CAMTA1: variants seen among roughly 807,000 people sequenced by gnomAD.
CAMTA1 encodes calmodulin-binding transcription activator 1.
A neutral mutation model predicts 170.9 loss-of-function variants in CAMTA1; 27 were observed. The observed-to-expected ratio is 0.16, with a 90% CI of 0.12 to 0.22. The LOEUF is 0.22. Ranked by LOEUF, CAMTA1 falls within the 10% of genes least tolerant of loss-of-function variation. CAMTA1 has a pLI of 1.00. For synonymous variants in CAMTA1, 833 were observed against 891.5 expected (o/e 0.93, Z 1.17); for missense variants, 1,619 against 2,217.2 (o/e 0.73, Z 5.42).
rs916113308 is a variant in CAMTA1 at position 6,887,246 on chromosome 1, C to T, written c.234+62036C>T. Among the ~76,000 whole-genome samples, 5 of 152,122 alleles carry T rather than the reference C, an allele frequency of 3.3e-5. No individual in the cohort carries two copies. Among genetic ancestry groups the T allele is most frequent in the Admixed American group, 3.3e-4 (5 of 15,280 alleles). ...TGCATAGTAAGTAAAAAAATTCTTC[C>T]AAAATTAGTGTTAATTGAATCTGAG... On this transcript the variant is annotated intron_variant, in intron 3 of 22. Transcript: ENST00000303635. This position sits in a 1 kb window ranked among gnomAD's most constrained non-coding sequence, Gnocchi z 4.1.
intron 5 of CAMTA1, among the ~76,000 whole-genome samples, chr1:7,261,086 C>T (rs1323636082): frequency 6.6e-6 from 1 of 152,132 alleles, no homozygotes; most frequent in Non-Finnish European, 1.5e-5. Context: ...TGGAATGGGC[C>T]TCTTGAGAAT....
At chr1:6,932,308 C>G (rs1294320116) in intron 3 of CAMTA1, among the ~76,000 whole-genome samples, 1 of 152,194 alleles carries the variant, frequency 6.6e-6, no homozygotes, top group Non-Finnish European at 1.5e-5. Flanking sequence ...TGGCTCCTTT[C>G]AGCATAATTA....
rs201097253 is a variant in CAMTA1, at chr1:7,736,347, G to A, written c.3070G>A (p.Ala1024Thr). The stretch of plus-strand genomic sequence containing the variant: ...AACGTGCGCTTTTTTGTGACAGTGT[G>A]CTTCTGGGACTGGGGCCTTGGGGAG... ...SGNGGSQAQC[A>T]SGTGALGSCF... Residue 1024 changes from alanine (A) to threonine (T), a missense_variant, in exon 13 of 23, where the codon GCT becomes ACT. Physicochemically the swap from Ala to Thr is moderately conservative, Grantham distance 58 (BLOSUM62 0). Transcript: ENST00000303635. This position sits in a 1 kb window ranked among gnomAD's most constrained non-coding sequence, Gnocchi z 4.5. 1 of 1,613,842 alleles carries A rather than the reference G, an allele frequency of 6.2e-7. No homozygotes were observed. The highest frequency in any genetic ancestry group is 2.2e-5 in the East Asian group (1 of 44,866).
rs1661352348 is a variant in CAMTA1, at chr1:7,224,510, A to ATT, written c.303-24981_303-24980insTT. 6.6e-6 allele frequency among the ~76,000 whole-genome samples: 1 copy of ATT among 152,152 alleles called. No individual in the cohort carries two copies. The highest frequency in any genetic ancestry group is 1.5e-5 in the Non-Finnish European group (1 of 68,018). ...TCTGAAACTATTTTCCACTTGCTAA[A>ATT]ATTAAGGTTATTATTATTATTTTTC... On this transcript the variant is annotated intron_variant, in intron 4 of 22. Coordinates refer to ENST00000303635, the MANE Select transcript of CAMTA1 (RefSeq NM_015215.4). The surrounding 1 kb of genome is among the most constrained non-coding windows in gnomAD (Gnocchi z 5.2).
Position 7,041,238 on chromosome 1 carries a change from G to C in CAMTA1, c.235-50066G>C, listed in dbSNP as rs1704411300. On this transcript the variant is annotated intron_variant, in intron 3 of 22. Transcript: ENST00000303635. The surrounding 1 kb of genome is among the most constrained non-coding windows in gnomAD (Gnocchi z 5.1). ...CCCGGAGCTGGAGCTTCTACCGAAG[G>C]GTTGCCCTCTGTCCCCTTCTCGGCT... Among the ~76,000 whole-genome samples, 1 of 152,244 alleles carries C rather than the reference G, an allele frequency of 6.6e-6. No individual in the cohort carries two copies. Among genetic ancestry groups the C allele is most frequent in the Non-Finnish European group, 1.5e-5 (1 of 68,046 alleles).
intron 3 of CAMTA1, chr1:6,886,133 A>G (rs1207017523): frequency 6.8e-6 from 3 of 443,534 alleles, no homozygotes; most frequent in Admixed American, 4.8e-5. Flanking sequence ...TTATGGGTGG[A>G]TGGATGGGGG....
At chr1:7,151,326 T>C (rs1203735380) in intron 4 of CAMTA1, among the ~76,000 whole-genome samples, 2 of 152,234 alleles carry the variant, frequency 1.3e-5, no homozygotes, top group African/African-American at 2.4e-5. Flanking sequence ...TTCATTAGCA[T>C]CTGGGCAGGC....
intron 6 of CAMTA1, among the ~76,000 whole-genome samples, chr1:7,512,919 T>C (rs2094221986): frequency 6.6e-6 from 1 of 152,076 alleles, no homozygotes; most frequent in Non-Finnish European, 1.5e-5. Context: ...GAGCAGAGGC[T>C]GCAAAATGGC....
chr1:7,343,980 G>C (rs932705679), intron 5 of CAMTA1, among the ~76,000 whole-genome samples: 1 of 152,198 alleles, frequency 6.6e-6, no homozygotes, highest in Non-Finnish European at 1.5e-5. Flanking sequence ...TTTTGTGTTA[G>C]AAACAGCATT....
In CAMTA1 at chr1:7,478,247, T is replaced by C. The variant is rs576688841; in HGVS notation, c.510+10346T>C. ...GGTCCTATCCAACCCAGTTTGCAAATGGCAAAATGCTAGGCTTGTGAGATG... is the reference window on the plus strand; with the variant it reads ...GGTCCTATCCAACCCAGTTTGCAAACGGCAAAATGCTAGGCTTGTGAGATG... On this transcript the variant is annotated intron_variant, in intron 6 of 22. Transcript: ENST00000303635. Among the ~76,000 whole-genome samples, 4 of 146,996 alleles carry C rather than the reference T, an allele frequency of 2.7e-5. No individual in the cohort carries two copies. The East Asian group carries it at 8.1e-4, about 30-fold the overall frequency.
chr1:6,992,405 T>G (rs1696531281), intron 3 of CAMTA1, among the ~76,000 whole-genome samples: 3 of 152,224 alleles, frequency 2.0e-5, no homozygotes, highest in Admixed American at 6.5e-5. Context: ...TTCTGATTAT[T>G]TCTTTCCATG....
At chr1:7,118,329 G>A (rs1324692407) in intron 4 of CAMTA1, among the ~76,000 whole-genome samples, 5 of 126,402 alleles carry the variant, frequency 4.0e-5, no homozygotes, top group African/African-American at 1.6e-4. Context: ...GTCTTGCTCT[G>A]CCACCCAGGC....
chr1:7,132,048 TACACACACACAC>T (rs70984054), intron 4 of CAMTA1, among the ~76,000 whole-genome samples: 1 of 149,730 alleles, frequency 6.7e-6, no homozygotes, highest in Non-Finnish European at 1.5e-5. Context: ...GTGACTCTGT[TACACACACACAC>T]ACACACACAC....
At chr1:6,976,630 C>T (rs960247275) in intron 3 of CAMTA1, among the ~76,000 whole-genome samples, 2 of 152,068 alleles carry the variant, frequency 1.3e-5, no homozygotes. Flanking sequence ...AGGACATGGG[C>T]CAGGATGATC....
chr1:7,597,065 C>G (rs1283578512), intron 6 of CAMTA1, among the ~76,000 whole-genome samples: 1 of 152,154 alleles, frequency 6.6e-6, no homozygotes, highest in East Asian at 1.9e-4. Context: ...TCTATTGCCC[C>G]TTGCTGACGT....
chr1:7,705,501 G>T (rs1244611343), intron 11 of CAMTA1, among the ~76,000 whole-genome samples: 2 of 150,136 alleles, frequency 1.3e-5, no homozygotes, highest in Non-Finnish European at 3.0e-5. Flanking sequence ...GGGCGGGGAC[G>T]AGCGTGTCGG....
In CAMTA1 at chr1:7,570,077, C is replaced by A. The variant is rs1406003014; in HGVS notation, c.511-70323C>A. ...GGCTTTTGCTTTGATCATTAGGGGT[C>A]CTGGGAGGCCTTGGGGCCGTCTTGC... On this transcript the variant is annotated intron_variant, in intron 6 of 22. Transcript: ENST00000303635. This position sits in a 1 kb window ranked among gnomAD's most constrained non-coding sequence, Gnocchi z 4.3. 1.3e-5 allele frequency among the ~76,000 whole-genome samples: 2 copies of A among 152,152 alleles called. No individual in the cohort carries two copies. The highest frequency in any genetic ancestry group is 4.8e-5 in the African/African-American group (2 of 41,412).
chr1:7,301,337 G>T (rs980139021), intron 5 of CAMTA1, among the ~76,000 whole-genome samples: 20 of 152,216 alleles, frequency 1.3e-4, no homozygotes, highest in African/African-American at 3.4e-4. Flanking sequence ...CTTTTTCAGG[G>T]TGATAGTTTG....
At chr1:7,543,541 C>T (rs528925444) in intron 6 of CAMTA1, among the ~76,000 whole-genome samples, 3 of 152,314 alleles carry the variant, frequency 2.0e-5, no homozygotes, top group African/African-American at 7.2e-5. Flanking sequence ...TTTCCATTTA[C>T]AAAATATAGC....
Sources: gnomAD v4.1 joint callset for allele counts (sites outside exome capture counted in the v4.1 genomes callset) on GRCh38, gnomAD v4.1.1 for gene constraint, Gnocchi (gnomAD v3.1) non-coding constraint, MANE v1.5 for transcripts, NCBI Gene and HGNC (gene_info 2026-07-23, HGNC 2026-07-21) for gene names.